The following IGSF9B variants were observed in gnomAD, a reference collection of about 807,000 sequenced individuals.
IGSF9B encodes the protein immunoglobulin superfamily member 9B.
Under a neutral mutation model 143.7 loss-of-function variants are expected in IGSF9B, and 48 were observed. The ratio of observed to expected loss-of-function variants is 0.33; its 90% CI spans 0.26 to 0.42. The LOEUF is 0.42. IGSF9B is among the 20% of genes least tolerant of loss of function. The pLI is 1.00. For missense variants in IGSF9B, 1,706 were observed against 1,980.0 expected (o/e 0.86, Z 2.63); for synonymous variants, 903 against 833.1 (o/e 1.08, Z -1.44).
rs533246121 is a variant in IGSF9B, at chr11:133,952,429, G to C, written c.64+4262C>G. Among the ~76,000 whole-genome samples, 4 of 152,346 alleles carry C rather than the reference G, an allele frequency of 2.6e-5. No individual in the cohort carries two copies. The East Asian group carries it at 7.7e-4, about 29-fold the overall frequency. On this transcript the variant is annotated intron_variant, in intron 1 of 19. Transcript: ENST00000533871. ...AGAGTGGGAGGGGATATGAAGGCAAGAAGTTGGCTCCAAGGGTCTCTCTGC... is the reference window on the plus strand; with the variant it reads ...AGAGTGGGAGGGGATATGAAGGCAACAAGTTGGCTCCAAGGGTCTCTCTGC...
Position 133,909,162 on chromosome 11 carries a change from G to A in IGSF9B, c.4221C>T (p.Leu1407=), listed in dbSNP as rs545842752. Residue 1407 remains leucine (L), a synonymous_variant, in exon 20 of 20, where the codon CTC becomes CTT. Coordinates refer to ENST00000533871, the MANE Select transcript of IGSF9B (RefSeq NM_001277285.4). This position sits in a 1 kb window ranked among gnomAD's most constrained non-coding sequence, Gnocchi z 4.2. ...GAAGCTGGCGGTGGCACAAGTCTGA[G>A]AGCCGGGCAAAGGGGTCAGGACGAG... ...RHSRPDPFAR[L]SDLCHRQLPE... The A allele has an allele frequency of 5.2e-6, 8 of 1,535,922 alleles. No individual in the cohort carries two copies. The East Asian group carries it at 1.5e-4, about 28-fold the overall frequency.
chr11:133,917,990 G>A (rs1176693768), intron 18 of IGSF9B, among the ~76,000 whole-genome samples: 3 of 151,578 alleles, frequency 2.0e-5, no homozygotes, highest in Admixed American at 6.6e-5. Flanking sequence ...AGGCTGGCGA[G>A]GCTGGCGAGG....
intron 17 of IGSF9B, among the ~76,000 whole-genome samples, chr11:133,921,777 T>C (rs1220892490): frequency 6.6e-6 from 1 of 152,116 alleles, no homozygotes; most frequent in Non-Finnish European, 1.5e-5. Flanking sequence ...TCTGCTGTGC[T>C]CTAAGCACAC....
chr11:133,921,734 C>CA (rs1939542922), intron 17 of IGSF9B, among the ~76,000 whole-genome samples: 1 of 152,090 alleles, frequency 6.6e-6, no homozygotes, highest in East Asian at 1.9e-4. Flanking sequence ...AGTGAACACC[C>CA]GCCTCTTCAC....
Position 133,932,090 on chromosome 11 carries a change from C to T in IGSF9B, c.1091G>A (p.Arg364His), listed in dbSNP as rs770027773. Reference sequence around the variant, plus strand: ...TAGCACCTTCTCAACCTGCAGGGGACGGCCGTCCTTGTTCCACTTGACCAC... The same window carrying T: ...TAGCACCTTCTCAACCTGCAGGGGATGGCCGTCCTTGTTCCACTTGACCAC... ...ATVVKWNKDGRPLQVEKNLGW... is the reference protein window; with the variant it reads ...ATVVKWNKDGHPLQVEKNLGW... The change falls in exon 8 of 20, where the codon CGT (arginine) becomes CAT (histidine). Residue 364 changes from arginine (R) to histidine (H), a missense_variant. By Grantham distance (29) the Arg-to-His change is conservative. Coordinates refer to ENST00000533871, the MANE Select transcript of IGSF9B (RefSeq NM_001277285.4). 6 of 1,613,464 alleles carry T rather than the reference C, an allele frequency of 3.7e-6. No homozygotes were observed. Among genetic ancestry groups the T allele is most frequent in the Admixed American group, 1.7e-5 (1 of 59,996 alleles).
chr11:133,915,883 A>T (rs1373664896), intron 18 of IGSF9B, among the ~76,000 whole-genome samples: 1 of 152,220 alleles, frequency 6.6e-6, no homozygotes, highest in East Asian at 1.9e-4. Flanking sequence ...AGCCACTCAT[A>T]GACGGGCCAT....
At position 133,908,966 on chromosome 11, in the gene IGSF9B, C is replaced by A; in HGVS notation, c.*103G>T. 9.8e-7 allele frequency: 1 copy of A among 1,022,984 alleles called. No individual in the cohort carries two copies. Among genetic ancestry groups the A allele is most frequent in the Non-Finnish European group, 1.4e-6 (1 of 700,794 alleles). 63.4% of individuals were successfully genotyped at this position (1,022,984 alleles called of 1,614,324 possible). ...AAGAGGGGGCATGCAGGACAAAGGT[C>A]TGGGCCGCCCTTGGCAGACGGAGGA... On this transcript the variant is annotated 3_prime_UTR_variant, in exon 20 of 20. Transcript: ENST00000533871.
At position 133,919,749 on chromosome 11, in the gene IGSF9B, T is replaced by A; in HGVS notation, c.3976A>T (p.Thr1326Ser). The A allele has an allele frequency of 6.9e-7, 1 of 1,452,584 alleles. No individual in the cohort carries two copies. Among genetic ancestry groups the A allele is most frequent in the Non-Finnish European group, 9.1e-7 (1 of 1,098,836 alleles). The allele number at this position is 1,452,584 out of a possible 1,614,324, so 90.0% of individuals were successfully genotyped here. ...AAGAGGCGGCGCACTCACCCTGAAG[T>A]AGGTAACGTGGGTGGTGGGGTCTCC... Reference protein sequence around the residue: ...RPETPPPTLPTSGTLPPAPGN... With the variant: ...RPETPPPTLPSSGTLPPAPGN... Residue 1326 changes from threonine (T) to serine (S), a missense_variant, in exon 18 of 20, where the codon ACT (threonine) becomes TCT (serine). Physicochemically the swap from Thr to Ser is moderately conservative, Grantham distance 58. Transcript: ENST00000533871.
rs1169315567 is a variant in IGSF9B at position 133,908,392 on chromosome 11, T to C, written c.*677A>G. 6.6e-6 allele frequency among the ~76,000 whole-genome samples: 1 copy of C among 151,874 alleles called. No homozygotes were observed. The highest frequency in any genetic ancestry group is 1.5e-5 in the Non-Finnish European group (1 of 67,958). ...CATTTCTGCTCTGGGTGGGAGAAGG[T>C]AGGAGACACACGGAGAATTCAGCTG... On this transcript the variant is annotated 3_prime_UTR_variant, in exon 20 of 20. Coordinates refer to ENST00000533871, the MANE Select transcript of IGSF9B (RefSeq NM_001277285.4).
In IGSF9B at chr11:133,920,564, G is replaced by T. The variant is rs753417349; in HGVS notation, c.3161C>A (p.Ala1054Glu). The stretch of plus-strand genomic sequence containing the variant: ...TGGCAGCTGGTGGGGGAACATCATC[G>T]CTGGGGTCTCCAGCCCCCCGAAGGG... ...EFPFGGLETP[A>E]MMFPHQLPPC... Residue 1054 changes from alanine (A) to glutamate (E), a missense_variant, in exon 18 of 20, where the codon GCG becomes GAG. Ala to Glu is a moderately radical substitution (Grantham distance 107). This residue lies in a region of IGSF9B where 880 missense variants were observed against 762.9 expected (regional missense o/e 1.15). Transcript: ENST00000533871. The T allele has an allele frequency of 6.2e-7, 1 of 1,613,072 alleles. No homozygotes were observed. The highest frequency in any genetic ancestry group is 2.2e-5 in the East Asian group (1 of 44,838).
At chr11:133,929,878 G>A (rs543024917) in intron 11 of IGSF9B, 96 bp from the exon 12 acceptor site, 7 of 772,108 alleles carry the variant, frequency 9.1e-6, no homozygotes, top group African/African-American at 8.5e-5. Flanking sequence ...AGGCTGAAGC[G>A]CATGGCAGCG....
intron 3 of IGSF9B, among the ~76,000 whole-genome samples, chr11:133,940,644 TCA>T (rs1467806292): frequency 2.2e-5 from 3 of 133,682 alleles, no homozygotes; most frequent in African/African-American, 8.8e-5. Context: ...GCACGCGTCA[TCA>T]CACGCAAAAA....
intron 18 of IGSF9B, among the ~76,000 whole-genome samples, chr11:133,914,427 C>A (rs1397230912): frequency 6.6e-6 from 1 of 152,232 alleles, no homozygotes; most frequent in Non-Finnish European, 1.5e-5. Flanking sequence ...TTGCAACGTA[C>A]TTGAGGCGAG....
intron 3 of IGSF9B, among the ~76,000 whole-genome samples, chr11:133,942,252 T>C (rs962067431): frequency 2.6e-5 from 4 of 152,158 alleles, no homozygotes; most frequent in African/African-American, 9.7e-5. Context: ...TTTCACCTAG[T>C]CCTCACAGCA....
At chr11:133,922,827 G>C (rs1939566869) in intron 15 of IGSF9B, 97 bp from the exon 16 acceptor site, 1 of 1,208,836 alleles carries the variant, frequency 8.3e-7, no homozygotes, top group Admixed American at 2.3e-5. Flanking sequence ...TGCCTTTGTA[G>C]AACAGACAGT....
At chr11:133,952,210 G>T in intron 1 of IGSF9B, 1 of 380,740 alleles carries the variant, frequency 2.6e-6, no homozygotes, top group Non-Finnish European at 5.4e-6. Context: ...GCTGCCTCCA[G>T]CAGACTGGGC....
At chr11:133,942,740 T>A (rs1191692682) in intron 3 of IGSF9B, among the ~76,000 whole-genome samples, 1 of 152,230 alleles carries the variant, frequency 6.6e-6, no homozygotes, top group East Asian at 1.9e-4. Context: ...CTTGGGCTCC[T>A]GTTCCCTGCT....
At position 133,913,153 on chromosome 11, in the gene IGSF9B, G is replaced by A. The variant is rs1367700958; in HGVS notation, c.3984-1146C>T. Among the ~76,000 whole-genome samples the A allele has an allele frequency of 1.3e-5, 2 of 152,156 alleles. No individual in the cohort carries two copies. The highest frequency in any genetic ancestry group is 2.9e-5 in the Non-Finnish European group (2 of 68,036). ...AGCACGTGATCAGAGAAGCAGGGAC[G>A]CTCTGGGGCCACGGCGGACAGGCGT... On this transcript the variant is annotated intron_variant, in intron 18 of 19. Transcript: ENST00000533871. The surrounding 1 kb of genome is among the most constrained non-coding windows in gnomAD (Gnocchi z 4.6).
rs943207963 is a variant in IGSF9B, at chr11:133,931,187, G to A, written c.1369-53C>T. On this transcript the variant is annotated intron_variant, in intron 10 of 19. Transcript: ENST00000533871. The surrounding 1 kb of genome is among the most constrained non-coding windows in gnomAD (Gnocchi z 7.7). The stretch of plus-strand genomic sequence containing the variant: ...GTGGGAACAGAAATGGGGGTTAGGA[G>A]AGAAGCCCGAAGCAGATGGGGAGGA... 5 of 1,561,318 alleles carry A rather than the reference G, an allele frequency of 3.2e-6. No homozygotes were observed. Among genetic ancestry groups the A allele is most frequent in the Non-Finnish European group, 4.4e-6 (5 of 1,145,684 alleles).
Sources: allele counts gnomAD v4.1 joint callset (sites outside exome capture counted in the v4.1 genomes callset), GRCh38; gene constraint gnomAD v4.1.1; regional missense constraint gnomAD v4.1.1; non-coding constraint Gnocchi (gnomAD v3.1); transcripts MANE v1.5; gene names NCBI Gene and HGNC (gene_info 2026-07-23, HGNC 2026-07-21).